Variants in ETV5 observed in about 807,000 individuals in gnomAD.
The protein encoded by ETV5 is ETS translocation variant 5.
In ETV5, 10 loss-of-function variants were observed where a neutral mutation model predicts 70.0. The observed-to-expected ratio is 0.14, with a 90% CI of 0.09 to 0.24. The LOEUF (loss-of-function observed/expected upper bound fraction) is 0.24, where lower values mean the gene tolerates loss of function less well. ETV5 is among the 10% of genes least tolerant of loss of function. ETV5 has a pLI of 1.00. For missense variants in ETV5, 453 were observed against 651.2 expected, an observed-to-expected ratio of 0.70 and a Z score of 3.31; for synonymous variants, 216 against 242.2, an observed-to-expected ratio of 0.89 and a Z score of 1.01.
intron 7 of ETV5, among the ~76,000 whole-genome samples, chr3:186,074,859 CAAA>C (rs747453303): frequency 2.6e-5 from 2 of 76,470 alleles, no homozygotes; most frequent in Non-Finnish European, 5.6e-5. Flanking sequence ...ACTCTGTCTC[CAAA>C]AAAAAAAAAA....
chr3:186,104,365 T>A (rs1460197290), intron 5 of ETV5, among the ~76,000 whole-genome samples: 7 of 152,156 alleles, frequency 4.6e-5, no homozygotes. Context: ...CCCACTGCAT[T>A]TTCTCTCTAG....
intron 6 of ETV5, 53 bp downstream of exon 6, chr3:186,080,993 T>TAC: frequency 6.5e-7 from 1 of 1,550,178 alleles, no homozygotes; most frequent in South Asian, 1.2e-5. Context: ...GCTTGATGGC[T>TAC]ACTTCCAGAG....
intron 5 of ETV5, among the ~76,000 whole-genome samples, chr3:186,092,375 G>C (rs1714201263): frequency 6.6e-6 from 1 of 152,184 alleles, no homozygotes. Flanking sequence ...ATTTCTCCCA[G>C]AATACAGGAA....
At chr3:186,085,320 T>C (rs1435317065) in intron 5 of ETV5, among the ~76,000 whole-genome samples, 1 of 151,874 alleles carries the variant, frequency 6.6e-6, no homozygotes, top group African/African-American at 2.4e-5. Flanking sequence ...GAAGGATACT[T>C]TTTTCCAGCT....
Position 186,052,201 on chromosome 3 carries a change from G to T in ETV5, c.1210-70C>A. Reference sequence around the variant, plus strand: ...GGCCCCATGTTCTCTCCCAATCCCAGCAGAGCCAGTTCTGTAACCTGACTG... The same window carrying T: ...GGCCCCATGTTCTCTCCCAATCCCATCAGAGCCAGTTCTGTAACCTGACTG... On this transcript the variant is annotated intron_variant, in intron 11 of 12. Transcript: ENST00000306376. This position sits in a 1 kb window ranked among gnomAD's most constrained non-coding sequence, Gnocchi z 4.5. 6.8e-7 allele frequency: 1 copy of T among 1,463,638 alleles called. No homozygotes were observed. Among genetic ancestry groups the T allele is most frequent in the Non-Finnish European group, 9.6e-7 (1 of 1,046,722 alleles). 90.7% of individuals were successfully genotyped at this position (1,463,638 alleles called of 1,614,324 possible). A position where few individuals can be genotyped will look rare whatever the true frequency, so the allele number is the denominator to read the frequency against.
chr3:186,075,786 G>C (rs1388129895), intron 7 of ETV5, among the ~76,000 whole-genome samples: 2 of 152,224 alleles, frequency 1.3e-5, no homozygotes, highest in African/African-American at 4.8e-5. Flanking sequence ...TCAGGTACAG[G>C]AGCATTTTCT....
intron 5 of ETV5, among the ~76,000 whole-genome samples, chr3:186,096,682 G>T (rs1714310704): frequency 6.6e-6 from 1 of 152,194 alleles, no homozygotes; most frequent in Non-Finnish European, 1.5e-5. Flanking sequence ...TATTAAGTTT[G>T]TGAGGATGAA....
At chr3:186,060,679 A>T (rs1713282625) in intron 9 of ETV5, among the ~76,000 whole-genome samples, 1 of 152,226 alleles carries the variant, frequency 6.6e-6, no homozygotes, top group South Asian at 2.1e-4. Flanking sequence ...AGAACAATTA[A>T]AAATGCTGGA....
rs1713894878 is a variant in ETV5 at position 186,080,062 on chromosome 3, G to T, written c.405C>A (p.Thr135=). ...RKPPSGFKPL[T]PPTTPLSPTH... is the part of the protein sequence containing the mutation. ...TGGGTGAGAGGGGGGTTGTAGGAGG[G>T]GTTAATGGCTTGAACCCAGAGGGAG... The change falls in exon 7 of 13, where the codon ACC becomes ACA. Residue 135 remains threonine (T), a synonymous_variant. Transcript: ENST00000306376. 1.3e-6 allele frequency: 2 copies of T among 1,520,264 alleles called. No homozygotes were observed. Among genetic ancestry groups the T allele is most frequent in the Non-Finnish European group, 1.7e-6 (2 of 1,143,306 alleles). 94.2% of individuals were successfully genotyped at this position (1,520,264 alleles called of 1,614,324 possible).
chr3:186,101,186 A>G (rs2150154958), intron 5 of ETV5, among the ~76,000 whole-genome samples: 1 of 152,378 alleles, frequency 6.6e-6, no homozygotes, highest in African/African-American at 2.4e-5. Context: ...ATAGATATAT[A>G]CACATGCACA....
Position 186,080,083 on chromosome 3 carries a change from G to C in ETV5, c.384C>G (p.Pro128=). ...GAGGGGTTAATGGCTTGAACCCAGA[G>C]GGAGGCTTCCTATCATAGGCACTGT... ...YNYCAYDRKP[P]SGFKPLTPPT... is the part of the protein sequence containing the mutation. Residue 128 remains proline, a synonymous_variant, in exon 7 of 13, where the codon CCC becomes CCG. Coordinates refer to ENST00000306376, the MANE Select transcript of ETV5 (RefSeq NM_004454.3). 6.7e-7 allele frequency: 1 copy of C among 1,499,078 alleles called. No homozygotes were observed. The highest frequency in any genetic ancestry group is 8.8e-7 in the Non-Finnish European group (1 of 1,132,132). 92.9% of individuals were successfully genotyped at this position (1,499,078 alleles called of 1,614,324 possible). A position where few individuals can be genotyped will look rare whatever the true frequency, so the allele number is the denominator to read the frequency against.
At chr3:186,099,630 A>G (rs1714402266) in intron 5 of ETV5, among the ~76,000 whole-genome samples, 3 of 152,178 alleles carry the variant, frequency 2.0e-5, no homozygotes, top group African/African-American at 4.8e-5. Flanking sequence ...CACCACCAAG[A>G]AACATTTTTT....
intron 12 of ETV5, among the ~76,000 whole-genome samples, chr3:186,049,684 A>G (rs532024244): frequency 6.6e-6 from 1 of 152,234 alleles, no homozygotes. Context: ...GTTGAGTTTA[A>G]TCCTGCCCTT....
At chr3:186,086,483 T>C (rs116472191) in intron 5 of ETV5, among the ~76,000 whole-genome samples, 2,199 of 152,206 alleles carry the variant, frequency 0.014, 66 homozygotes, top group African/African-American at 0.051. Context: ...GTTAGGTACA[T>C]AGAAAATATA....
intron 1 of ETV5, chr3:186,107,001 A>T (rs930021282): frequency 8.3e-6 from 8 of 969,188 alleles, no homozygotes; most frequent in South Asian, 4.8e-5. Context: ...TTTGACATAT[A>T]CACAATTTTA....
In ETV5 at chr3:186,105,708, G is replaced by C; in HGVS notation, c.50C>G (p.Ser17Cys). 1.9e-6 allele frequency: 3 copies of C among 1,614,168 alleles called. No individual in the cohort carries two copies. Among genetic ancestry groups the C allele is most frequent in the Non-Finnish European group, 2.5e-6 (3 of 1,180,038 alleles). Residue 17 changes from serine (S) to cysteine (C), a missense_variant, in exon 3 of 13, where the codon TCT becomes TGT. Ser to Cys is a moderately radical substitution (Grantham distance 112). Transcript: ENST00000306376. The surrounding 1 kb of genome is among the most constrained non-coding windows in gnomAD (Gnocchi z 4.5). The part of the protein sequence containing the change: ...QQVPFMVPGK[S>C]RSEECRGRPV... Reference sequence around the variant, plus strand: ...CCGCCCTCTGCATTCCTCAGATCGAGATTTCTGAAAGAGGCCAACAGAAAG... The same window carrying C: ...CCGCCCTCTGCATTCCTCAGATCGACATTTCTGAAAGAGGCCAACAGAAAG...
Position 186,075,170 on chromosome 3 carries a change from A to C in ETV5, c.650+4647T>G, listed in dbSNP as rs562817215. ...GACTCAGAACTAAAAAAACCTACGC[A>C]CTCTAACCATTACAAGAACATCATT... On this transcript the variant is annotated intron_variant, in intron 7 of 12. Coordinates refer to ENST00000306376, the MANE Select transcript of ETV5 (RefSeq NM_004454.3). Among the ~76,000 whole-genome samples the C allele has an allele frequency of 2.6e-5, 4 of 152,238 alleles. No homozygotes were observed. In the East Asian group the frequency reaches 7.7e-4, roughly 29 times the overall value.
At chr3:186,062,932 A>G (rs1713341669) in intron 9 of ETV5, among the ~76,000 whole-genome samples, 1 of 152,144 alleles carries the variant, frequency 6.6e-6, no homozygotes, top group Non-Finnish European at 1.5e-5. Context: ...TTATGTAATC[A>G]GTATTTATTG....
chr3:186,108,257 C>T (rs1349375192), intron 1 of ETV5, among the ~76,000 whole-genome samples: 1 of 151,826 alleles, frequency 6.6e-6, no homozygotes, highest in Non-Finnish European at 1.5e-5. Flanking sequence ...TCGGTGCTGT[C>T]CCCTCCACAC....
Sources: allele counts gnomAD v4.1 joint callset (sites outside exome capture counted in the v4.1 genomes callset), GRCh38; gene constraint gnomAD v4.1.1; non-coding constraint Gnocchi (gnomAD v3.1); transcripts MANE v1.5; gene names NCBI Gene and HGNC (gene_info 2026-07-23, HGNC 2026-07-21).